Variants in NCKAP5 observed in about 807,000 individuals in gnomAD.
The protein encoded by NCKAP5 is NCK associated protein 5.
Under a neutral mutation model 167.0 loss-of-function variants are expected in NCKAP5, and 92 were observed. The observed-to-expected ratio is 0.55, with a 90% CI of 0.47 to 0.66. The LOEUF is 0.66. Ranked by LOEUF, NCKAP5 falls within the 30% of genes least tolerant of loss-of-function variation. The pLI, the probability that NCKAP5 is intolerant of heterozygous loss-of-function variation, is 0.00. For missense variants in NCKAP5, 2,378 were observed against 2,315.0 expected, an observed-to-expected ratio of 1.03 and a Z score of -0.56; for synonymous variants, 891 against 877.4, an observed-to-expected ratio of 1.02 and a Z score of -0.27.
intron 6 of NCKAP5, among the ~76,000 whole-genome samples, chr2:133,013,496 TCCCATTTTTAAAA>T (rs2078229936): frequency 6.6e-6 from 1 of 152,064 alleles, no homozygotes; most frequent in East Asian, 1.9e-4. Flanking sequence ...GCAGGGAAAT[TCCCATTTTTAAAA>T]CCACCAGATC....
At chr2:132,917,273 T>A (rs1446176334) in intron 8 of NCKAP5, among the ~76,000 whole-genome samples, 1 of 152,230 alleles carries the variant, frequency 6.6e-6, no homozygotes, top group Admixed American at 6.5e-5. Flanking sequence ...AGTGCTTCAT[T>A]ATGGTTTTAG....
At chr2:132,877,272 A>G (rs1691354791) in intron 9 of NCKAP5, among the ~76,000 whole-genome samples, 1 of 152,208 alleles carries the variant, frequency 6.6e-6, no homozygotes, top group Non-Finnish European at 1.5e-5. Flanking sequence ...CTGACAGGGC[A>G]GAGAATTGCA....
At chr2:133,443,909 C>A (rs963578357) in intron 3 of NCKAP5, among the ~76,000 whole-genome samples, 11 of 152,166 alleles carry the variant, frequency 7.2e-5, no homozygotes, top group Non-Finnish European at 1.5e-4. Flanking sequence ...TAGATAATTT[C>A]ATATACTCCT....
At position 133,178,766 on chromosome 2, in the gene NCKAP5, A is replaced by G. The variant is rs1357162714; in HGVS notation, c.207+34950T>C. Among the ~76,000 whole-genome samples, 4 of 141,672 alleles carry G rather than the reference A, an allele frequency of 2.8e-5. No homozygotes were observed. In the East Asian group the frequency reaches 9.0e-4, roughly 32 times the overall value. The allele number at this position is 141,672 out of a possible 152,430, so 92.9% of individuals were successfully genotyped here. On this transcript the variant is annotated intron_variant, in intron 5 of 19. Coordinates refer to ENST00000409261, the MANE Select transcript of NCKAP5 (RefSeq NM_207363.3). ...CATAAACCCAGGAGGCGGAGCTTGC[A>G]GTGAGCCGAGATAGCGCCACTGCAC...
intron 6 of NCKAP5, among the ~76,000 whole-genome samples, chr2:133,080,444 G>A (rs1444368537): frequency 6.6e-6 from 1 of 152,126 alleles, no homozygotes; most frequent in East Asian, 1.9e-4. Context: ...CTGGTAAAAT[G>A]TCACCTACTG....
chr2:132,848,198 C>T (rs1688810669), intron 11 of NCKAP5, among the ~76,000 whole-genome samples: 1 of 151,986 alleles, frequency 6.6e-6, no homozygotes, highest in Admixed American at 6.6e-5. Flanking sequence ...AAAAGGGTAC[C>T]CAAGAACATC....
chr2:132,721,805 G>T (rs74627061), intron 19 of NCKAP5, among the ~76,000 whole-genome samples: 1 of 152,194 alleles, frequency 6.6e-6, no homozygotes, highest in African/African-American at 2.4e-5. Context: ...GGTGTGCGAG[G>T]ACAGATCTCT....
chr2:133,329,860 T>C (rs1057334899), intron 3 of NCKAP5, among the ~76,000 whole-genome samples: 1 of 152,038 alleles, frequency 6.6e-6, no homozygotes, highest in Non-Finnish European at 1.5e-5. Context: ...ACCTGTGGAA[T>C]CTTTTAAAAT....
intron 5 of NCKAP5, 52 bp from the exon 6 acceptor site, chr2:133,130,163 T>G (rs1334320988): frequency 1.3e-6 from 2 of 1,563,200 alleles, no homozygotes; most frequent in Non-Finnish European, 1.7e-6. Context: ...ATGACAAAAA[T>G]AAGAAATAGC....
At chr2:133,609,472 T>C in the NCKAP5 span, among the ~76,000 whole-genome samples, 1 of 152,222 alleles carries the variant, frequency 6.6e-6, no homozygotes, top group Admixed American at 6.5e-5. Flanking sequence ...AATGAGTAGT[T>C]GCAAGCCACC....
chr2:132,881,535 C>T (rs1309191598), intron 8 of NCKAP5, among the ~76,000 whole-genome samples: 1 of 148,832 alleles, frequency 6.7e-6, no homozygotes, highest in Admixed American at 6.8e-5. Context: ...CCCCTTATTT[C>T]CTCTTCTTCC....
chr2:132,862,631 A>G (rs1039279621), intron 10 of NCKAP5, among the ~76,000 whole-genome samples: 2 of 151,948 alleles, frequency 1.3e-5, no homozygotes, highest in Admixed American at 6.5e-5. Flanking sequence ...GCAAGTGTGC[A>G]CGCCTGTAGT....
chr2:132,798,134 C>T (rs1684747721), intron 11 of NCKAP5, among the ~76,000 whole-genome samples: 1 of 152,144 alleles, frequency 6.6e-6, no homozygotes, highest in Admixed American at 6.6e-5. Context: ...GCTAAGACCT[C>T]CATAGGTAAC....
chr2:132,922,634 C>T (rs1695531382), intron 8 of NCKAP5, among the ~76,000 whole-genome samples: 1 of 152,166 alleles, frequency 6.6e-6, no homozygotes, highest in Non-Finnish European at 1.5e-5. Flanking sequence ...CTGTTTCATG[C>T]CTTTGTGCCT....
intron 3 of NCKAP5, among the ~76,000 whole-genome samples, chr2:133,489,584 T>C (rs2151343343): frequency 6.6e-6 from 1 of 152,350 alleles, no homozygotes; most frequent in South Asian, 2.1e-4. Context: ...GGCACTAAAC[T>C]TATACAATCT....
At chr2:132,718,399 A>G (rs1357644989) in intron 19 of NCKAP5, among the ~76,000 whole-genome samples, 1 of 152,174 alleles carries the variant, frequency 6.6e-6, no homozygotes, top group Non-Finnish European at 1.5e-5. Context: ...ATGCACACTC[A>G]TCAGTTAAGA....
chr2:132,997,731 T>G (rs1219194927), intron 6 of NCKAP5, among the ~76,000 whole-genome samples: 1 of 151,872 alleles, frequency 6.6e-6, no homozygotes, highest in African/African-American at 2.4e-5. Flanking sequence ...AGAACAACTT[T>G]GGTGGATGAA....
At chr2:133,546,189 G>C (rs138996314) in intron 2 of NCKAP5, among the ~76,000 whole-genome samples, 1 of 151,784 alleles carries the variant, frequency 6.6e-6, no homozygotes, top group Non-Finnish European at 1.5e-5. Flanking sequence ...CAGATACAGT[G>C]AAGTACATCC....
chr2:133,420,691 G>A (rs1342680046), intron 3 of NCKAP5, among the ~76,000 whole-genome samples: 1 of 152,192 alleles, frequency 6.6e-6, no homozygotes, highest in Non-Finnish European at 1.5e-5. Context: ...GCTGCTACGG[G>A]CCAGGTAGAG....
Sources: allele counts gnomAD v4.1 joint callset (sites outside exome capture counted in the v4.1 genomes callset), GRCh38; gene constraint gnomAD v4.1.1; transcripts MANE v1.5; gene names NCBI Gene and HGNC (gene_info 2026-07-23, HGNC 2026-07-21).